GNG2: variants seen among roughly 807,000 people sequenced by gnomAD.
GNG2 encodes the protein G protein subunit gamma 2.
In GNG2, 5 loss-of-function variants were observed where a neutral mutation model predicts 5.5. The observed-to-expected ratio is 0.91, with a 90% CI of 0.48 to 1.92. GNG2 has a LOEUF of 1.92. Ranked by LOEUF, GNG2 falls within the 30% of genes most tolerant of loss-of-function variation. The pLI, the probability that GNG2 is intolerant of heterozygous loss-of-function variation, is 0.01. For missense variants in GNG2, 55 were observed against 88.4 expected (o/e 0.62, Z 1.52); for synonymous variants, 28 against 32.0 (o/e 0.88, Z 0.42).
At chr14:51,841,407 A>AT (rs1881477462) in intron 2 of GNG2, 3 of 563,472 alleles carry the variant, frequency 5.3e-6, no homozygotes, top group Non-Finnish European at 9.6e-6. Flanking sequence ...CCAAACAAAC[A>AT]AACAAACAAA....
intron 2 of GNG2, among the ~76,000 whole-genome samples, chr14:51,932,324 G>A (rs557127069): frequency 6.9e-6 from 1 of 145,878 alleles, no homozygotes; most frequent in South Asian, 2.2e-4. Flanking sequence ...CTAAAAAGAA[G>A]GAAATCCTCT....
Position 51,892,739 on chromosome 14 carries a change from T to C in GNG2, c.-30+15082T>C, listed in dbSNP as rs144844048. On this transcript the variant is annotated intron_variant, in intron 2 of 3. Transcript: ENST00000556766. Reference sequence around the variant, plus strand: ...TCCTCCCCCATGTAACCAATGTTAATGCTTTGGGGTGTATTATTCCACGTT... The same window carrying C: ...TCCTCCCCCATGTAACCAATGTTAACGCTTTGGGGTGTATTATTCCACGTT... Among the ~76,000 whole-genome samples, 1,164 of 152,362 alleles carry C rather than the reference T, an allele frequency of 7.6e-3. 7 individuals carry two copies. Among genetic ancestry groups the C allele is most frequent in the African/African-American group, 0.019 (796 of 41,586 alleles).
At chr14:51,892,762 G>A (rs35673554) in intron 2 of GNG2, among the ~76,000 whole-genome samples, 22,913 of 151,984 alleles carry the variant, frequency 0.15, 2,670 homozygotes, top group African/African-American at 0.32. Flanking sequence ...ATTATTCCAC[G>A]TTTTTCTTCA....
chr14:51,903,941 G>A (rs1460115351), intron 2 of GNG2, among the ~76,000 whole-genome samples: 1 of 152,124 alleles, frequency 6.6e-6, no homozygotes, highest in Non-Finnish European at 1.5e-5. Flanking sequence ...ATCCACCATG[G>A]GCATTCTTAT....
chr14:51,827,370 C>T (rs1224905125), intron 1 of GNG2, among the ~76,000 whole-genome samples: 1 of 152,222 alleles, frequency 6.6e-6, no homozygotes, highest in African/African-American at 2.4e-5. Flanking sequence ...AGCTCTACTC[C>T]AGGCTTATCA....
intron 2 of GNG2, among the ~76,000 whole-genome samples, chr14:51,854,871 C>T (rs948931627): frequency 1.3e-5 from 2 of 152,118 alleles, no homozygotes; most frequent in African/African-American, 4.8e-5. Context: ...CCGTCTTTTG[C>T]CTTCTCCCTG....
intron 2 of GNG2, among the ~76,000 whole-genome samples, chr14:51,847,728 T>A (rs1053408762): frequency 6.6e-6 from 1 of 152,112 alleles, no homozygotes; most frequent in Admixed American, 6.5e-5. Flanking sequence ...TGGATTTATT[T>A]AGTCTGACCT....
chr14:51,866,722 C>T (rs1882919295), intron 1 of GNG2, among the ~76,000 whole-genome samples: 1 of 152,190 alleles, frequency 6.6e-6, no homozygotes, highest in Non-Finnish European at 1.5e-5. Context: ...CTTATAAGGG[C>T]ACTAATCCCA....
chr14:51,916,651 C>T (rs1594911794), intron 2 of GNG2: 3 of 382,170 alleles, frequency 7.8e-6, no homozygotes, highest in East Asian at 1.4e-4. Context: ...GGAGGCCTAC[C>T]TGCCTGCGGT....
intron 2 of GNG2, among the ~76,000 whole-genome samples, chr14:51,842,511 T>A (rs898032760): frequency 6.6e-6 from 1 of 152,200 alleles, no homozygotes; most frequent in Non-Finnish European, 1.5e-5. Flanking sequence ...GGACACCCAC[T>A]GTCCCAGTGC....
chr14:51,921,804 AT>A (rs1887029994), intron 2 of GNG2, among the ~76,000 whole-genome samples: 1 of 152,176 alleles, frequency 6.6e-6, no homozygotes, highest in Non-Finnish European at 1.5e-5. Flanking sequence ...CTTGAAAAGG[AT>A]TTTTCAAATT....
At chr14:51,960,936 C>T (rs1769485) in intron 3 of GNG2, among the ~76,000 whole-genome samples, 141,384 of 151,978 alleles carry the variant, frequency 0.93, 66,233 homozygotes, top group Non-Finnish European at 0.99. Flanking sequence ...AGTATTCAGC[C>T]AAAGGCTCAA....
At chr14:51,849,758 A>G (rs1305390632) in intron 2 of GNG2, among the ~76,000 whole-genome samples, 2 of 151,300 alleles carry the variant, frequency 1.3e-5, no homozygotes, top group Non-Finnish European at 2.9e-5. Flanking sequence ...AAATATTTGT[A>G]TATTCAAATG....
intron 1 of GNG2, among the ~76,000 whole-genome samples, chr14:51,826,584 T>C (rs1594826312): frequency 6.6e-6 from 1 of 152,076 alleles, no homozygotes; most frequent in South Asian, 2.1e-4. Context: ...AGTGCAGTGA[T>C]GTGGGTGGCG....
At chr14:51,960,497 C>G (rs1889543528) in intron 3 of GNG2, among the ~76,000 whole-genome samples, 1 of 151,554 alleles carries the variant, frequency 6.6e-6, no homozygotes, top group Non-Finnish European at 1.5e-5. Context: ...TTTTTCATGT[C>G]TACATATTTG....
intron 2 of GNG2, among the ~76,000 whole-genome samples, chr14:51,835,122 T>G (rs1484776697): frequency 6.6e-6 from 1 of 152,194 alleles, no homozygotes; most frequent in East Asian, 1.9e-4. Flanking sequence ...AAAAGAAAGC[T>G]TCTAGGTTAA....
Position 51,877,581 on chromosome 14 carries a change from T to C in GNG2, c.-70-36T>C, listed in dbSNP as rs143398617. On this transcript the variant is annotated intron_variant, in intron 1 of 3. Transcript: ENST00000556766. ...CTTGTGTATCATGTTATTTTTCCTT[T>C]TAAAAAATTCGTTTTTCTCTCTGCT... The C allele has an allele frequency of 2.4e-4, 109 of 455,314 alleles. No homozygotes were observed. In the East Asian group the frequency reaches 7.2e-3, roughly 30 times the overall value. 28.2% of individuals were successfully genotyped at this position (455,314 alleles called of 1,614,324 possible). A position where few individuals can be genotyped will look rare whatever the true frequency, so the allele number is the denominator to read the frequency against.
intron 1 of GNG2, among the ~76,000 whole-genome samples, chr14:51,877,147 A>G (rs1296788926): frequency 1.3e-5 from 2 of 152,090 alleles, no homozygotes; most frequent in African/African-American, 4.8e-5. Flanking sequence ...CACCCTCCTA[A>G]AGGGCCAGAT....
At chr14:51,842,827 G>A (rs558731850) in intron 2 of GNG2, among the ~76,000 whole-genome samples, 1 of 152,042 alleles carries the variant, frequency 6.6e-6, no homozygotes, top group Non-Finnish European at 1.5e-5. Context: ...ACCACACCCA[G>A]CTAATTTTTG....
Sources: allele counts gnomAD v4.1 joint callset (sites outside exome capture counted in the v4.1 genomes callset), GRCh38; gene constraint gnomAD v4.1.1; transcripts MANE v1.5; gene names NCBI Gene and HGNC (gene_info 2026-07-23, HGNC 2026-07-21).